POU1F1: variants seen among roughly 807,000 people sequenced by gnomAD.
POU1F1 encodes pituitary-specific positive transcription factor 1.
A neutral mutation model predicts 32.3 loss-of-function variants in POU1F1; 23 were observed. The ratio of observed to expected loss-of-function variants is 0.71; its 90% CI spans 0.51 to 1.01. The LOEUF is 1.01. POU1F1 is among the 50% of genes least tolerant of loss of function. POU1F1 has a pLI of 0.00. For missense variants in POU1F1, 323 were observed against 341.6 expected (o/e 0.95, Z 0.43); for synonymous variants, 120 against 115.6 (o/e 1.04, Z -0.25).
At chr3:87,261,727 AATATT>A (rs1366351979) in intron 4 of POU1F1, among the ~76,000 whole-genome samples, 1 of 152,162 alleles carries the variant, frequency 6.6e-6, no homozygotes, top group African/African-American at 2.4e-5. Flanking sequence ...TGTGTACACT[AATATT>A]AGGATACAAA....
In POU1F1 at chr3:87,259,649, T is replaced by C. The variant is rs771316195; in HGVS notation, c.*245A>G. On this transcript the variant is annotated 3_prime_UTR_variant, in exon 6 of 6. Transcript: ENST00000350375. ...AGCGGGAGAGACAGAGAGATCATTT[T>C]ATTACTGTTAATATATTTGGCTTAA... is the stretch of plus-strand genomic sequence containing the variant. 1.6e-4 allele frequency: 75 copies of C among 476,360 alleles called. 1 individual carries two copies. Among genetic ancestry groups the C allele is most frequent in the Non-Finnish European group, 2.5e-4 (66 of 267,580 alleles). The allele number at this position is 476,360 out of a possible 1,614,324, so 29.5% of individuals were successfully genotyped here. A position where few individuals can be genotyped will look rare whatever the true frequency, so the allele number is the denominator to read the frequency against.
chr3:87,261,419 A>T, intron 4 of POU1F1, 86 bp from the exon 5 acceptor site: 1 of 1,055,424 alleles, frequency 9.5e-7, no homozygotes, highest in Non-Finnish European at 1.4e-6. Flanking sequence ...AATTTTCTTC[A>T]TAAAACAATG....
chr3:87,274,271 A>G (rs1706785947), intron 1 of POU1F1, among the ~76,000 whole-genome samples: 1 of 152,176 alleles, frequency 6.6e-6, no homozygotes, highest in Admixed American at 6.6e-5. Context: ...TTAGACTTTT[A>G]TCAAGTTTTA....
chr3:87,273,755 C>A (rs1448980579), intron 1 of POU1F1, among the ~76,000 whole-genome samples: 1 of 152,134 alleles, frequency 6.6e-6, no homozygotes, highest in Non-Finnish European at 1.5e-5. Flanking sequence ...CCAATTTAGA[C>A]CTTGGCCCTT....
intron 2 of POU1F1, among the ~76,000 whole-genome samples, chr3:87,270,353 G>A (rs1706702135): frequency 6.6e-6 from 1 of 152,054 alleles, no homozygotes; most frequent in Non-Finnish European, 1.5e-5. Context: ...TTAATGGCAT[G>A]GATAATTCAT....
At position 87,262,219 on chromosome 3, in the gene POU1F1, A is replaced by T. The variant is rs886058914; in HGVS notation, c.456T>A (p.Asn152Lys). Residue 152 changes from asparagine (N) to lysine (K), a missense_variant, in exon 4 of 6, where the codon AAT becomes AAA. By Grantham distance (94) the Asn-to-Lys change is moderately conservative (BLOSUM62 0). Coordinates refer to ENST00000350375, the MANE Select transcript of POU1F1 (RefSeq NM_000306.4). ...RRIKLGYTQT[N>K]VGEALAAVHG... ...GCACAGCTGCCAGGGCCTCCCCAAC[A>T]TTTGTCTGGGTGTATCCTGTGAAGG... 1 of 1,613,924 alleles carries T rather than the reference A, an allele frequency of 6.2e-7. No homozygotes were observed. Among genetic ancestry groups the T allele is most frequent in the East Asian group, 2.2e-5 (1 of 44,890 alleles).
chr3:87,259,606 C>A lies in POU1F1; in HGVS notation c.*288G>T. On this transcript the variant is annotated 3_prime_UTR_variant, in exon 6 of 6. Transcript: ENST00000350375. ...TTATAAACCCATACTCATATGTCTG[C>A]GTGTGTGTGAGAAAGAGAGCGGGAG... The A allele has an allele frequency of 2.6e-6, 1 of 384,518 alleles. No homozygotes were observed. Among genetic ancestry groups the A allele is most frequent in the Non-Finnish European group, 4.7e-6 (1 of 210,586 alleles). 23.8% of individuals were successfully genotyped at this position (384,518 alleles called of 1,614,324 possible). A position where few individuals can be genotyped will look rare whatever the true frequency, so the allele number is the denominator to read the frequency against.
At chr3:87,267,304 G>A (rs1402934892) in intron 2 of POU1F1, among the ~76,000 whole-genome samples, 1 of 152,028 alleles carries the variant, frequency 6.6e-6, no homozygotes, top group African/African-American at 2.4e-5. Context: ...TACAATGGAG[G>A]AAATTTAAGT....
Position 87,264,516 on chromosome 3 carries a change from T to C in POU1F1, c.215-4A>G. On this transcript the variant is annotated splice_polypyrimidine_tract_variant and splice_region_variant and intron_variant, in intron 2 of 5. Transcript: ENST00000350375. The stretch of plus-strand genomic sequence containing the variant: ...TAAAGACAAGGGGTTAAACTACCTG[T>C]GAGTAAACAAAGAAATAAAATGAAA... 1 of 1,558,802 alleles carries C rather than the reference T, an allele frequency of 6.4e-7. No individual in the cohort carries two copies. The highest frequency in any genetic ancestry group is 8.9e-7 in the Non-Finnish European group (1 of 1,129,820).
chr3:87,272,293 T>C (rs1253143987), intron 2 of POU1F1, among the ~76,000 whole-genome samples: 2 of 152,078 alleles, frequency 1.3e-5, no homozygotes, highest in African/African-American at 2.4e-5. Flanking sequence ...TATCAAAGAA[T>C]TTCTTTTCTT....
chr3:87,265,105 T>C (rs910019933), intron 2 of POU1F1, among the ~76,000 whole-genome samples: 1 of 152,012 alleles, frequency 6.6e-6, no homozygotes, highest in African/African-American at 2.4e-5. Context: ...AGAAAGAGAA[T>C]GATGAGAATA....
chr3:87,266,250 A>T (rs1410092710), intron 2 of POU1F1, among the ~76,000 whole-genome samples: 1 of 146,848 alleles, frequency 6.8e-6, no homozygotes, highest in African/African-American at 2.5e-5. Context: ...TATAAAATTT[A>T]TATTTTATAT....
At chr3:87,270,520 T>G (rs1041495153) in intron 2 of POU1F1, among the ~76,000 whole-genome samples, 10 of 152,188 alleles carry the variant, frequency 6.6e-5, no homozygotes, top group African/African-American at 2.4e-5. Flanking sequence ...ATGCTCAAAC[T>G]AAATGTAAGC....
chr3:87,276,491 A>G lies in POU1F1; in HGVS notation c.-29T>C. On this transcript the variant is annotated 5_prime_UTR_variant, in exon 1 of 6. Coordinates refer to ENST00000350375, the MANE Select transcript of POU1F1 (RefSeq NM_000306.4). ...CACAAGAGAGTAGAAAAATAAGGAG[A>G]ACCGCTGCTCCCCAAATCAGAGTTT... is the stretch of plus-strand genomic sequence containing the variant. 6.2e-7 allele frequency: 1 copy of G among 1,611,682 alleles called. No homozygotes were observed. Among genetic ancestry groups the G allele is most frequent in the Non-Finnish European group, 8.5e-7 (1 of 1,178,644 alleles).
Position 87,259,623 on chromosome 3 carries a change from G to A in POU1F1, c.*271C>T. 1 of 414,236 alleles carries A rather than the reference G, an allele frequency of 2.4e-6. No homozygotes were observed. The highest frequency in any genetic ancestry group is 4.4e-6 in the Non-Finnish European group (1 of 228,346). 25.7% of individuals were successfully genotyped at this position (414,236 alleles called of 1,614,324 possible). A position where few individuals can be genotyped will look rare whatever the true frequency, so the allele number is the denominator to read the frequency against. ...TATGTCTGCGTGTGTGTGAGAAAGA[G>A]AGCGGGAGAGACAGAGAGATCATTT... On this transcript the variant is annotated 3_prime_UTR_variant, in exon 6 of 6. Coordinates refer to ENST00000350375, the MANE Select transcript of POU1F1 (RefSeq NM_000306.4).
chr3:87,265,995 T>G (rs1264540335), intron 2 of POU1F1, among the ~76,000 whole-genome samples: 1 of 150,946 alleles, frequency 6.6e-6, no homozygotes, highest in Non-Finnish European at 1.5e-5. Context: ...GCAATAATTA[T>G]TCTTAGAAAC....
chr3:87,264,704 C>T (rs1479470323), intron 2 of POU1F1, among the ~76,000 whole-genome samples, 192 bp from the exon 3 acceptor site: 1 of 152,098 alleles, frequency 6.6e-6, no homozygotes, highest in Non-Finnish European at 1.5e-5. Flanking sequence ...TATTTGTCTT[C>T]TACCTTCTCC....
At chr3:87,273,472 T>C in intron 1 of POU1F1, 54 bp from the exon 2 acceptor site, 1 of 1,608,896 alleles carries the variant, frequency 6.2e-7, no homozygotes, top group African/African-American at 1.3e-5. Context: ...TTTAGGAGTT[T>C]GGATCAAAGA....
chr3:87,267,463 A>G (rs892289478), intron 2 of POU1F1, among the ~76,000 whole-genome samples: 2 of 152,210 alleles, frequency 1.3e-5, no homozygotes, highest in African/African-American at 4.8e-5. Flanking sequence ...GGCAAATTAA[A>G]TAACTTCTCT....
Sources: gnomAD v4.1 joint callset for allele counts (sites outside exome capture counted in the v4.1 genomes callset) on GRCh38, gnomAD v4.1.1 for gene constraint, MANE v1.5 for transcripts, NCBI Gene and HGNC (gene_info 2026-07-23, HGNC 2026-07-21) for gene names.